C10orf143: variants seen among roughly 807,000 people sequenced by gnomAD.
The protein encoded by C10orf143 is uncharacterized protein C10orf143.
chr10:130,083,622 G>A (rs1163925618), intron 1 of C10orf143, among the ~76,000 whole-genome samples: 1 of 152,150 alleles, frequency 6.6e-6, no homozygotes, highest in Non-Finnish European at 1.5e-5. Context: ...ACATTGTTAA[G>A]TGAAAACAAC....
chr10:130,100,400 C>T (rs617113), intron 1 of C10orf143, among the ~76,000 whole-genome samples: 95,674 of 151,500 alleles, frequency 0.63, 30,489 homozygotes, highest in Admixed American at 0.72. Context: ...CGTGGTGGTG[C>T]GTGCCTGTAG....
intron 1 of C10orf143, among the ~76,000 whole-genome samples, chr10:130,089,463 G>A (rs1861346110): frequency 6.6e-6 from 1 of 152,012 alleles, no homozygotes; most frequent in African/African-American, 2.4e-5. Context: ...TTTTATAGAT[G>A]AGGAAAAAGA....
intron 1 of C10orf143, among the ~76,000 whole-genome samples, chr10:130,087,272 G>A (rs1472134844): frequency 2.6e-5 from 4 of 152,198 alleles, no homozygotes; most frequent in South Asian, 2.1e-4. Flanking sequence ...TACGTTGAAC[G>A]AGAAGATCTG....
chr10:130,100,998 A>G (rs1238571364), intron 1 of C10orf143: 2 of 152,098 alleles, frequency 1.3e-5, no homozygotes, highest in Non-Finnish European at 2.9e-5. Flanking sequence ...TGGGTGGATC[A>G]CCTGAGGTCA....
chr10:130,107,513 G>A (rs1861673722), intron 1 of C10orf143: 3 of 1,361,226 alleles, frequency 2.2e-6, no homozygotes, highest in Non-Finnish European at 3.1e-6. Context: ...AGCTGAAACA[G>A]AGTATAAAAT....
chr10:130,109,340 G>C (rs1228388936), intron 1 of C10orf143, among the ~76,000 whole-genome samples: 1 of 152,106 alleles, frequency 6.6e-6, no homozygotes, highest in Non-Finnish European at 1.5e-5. Flanking sequence ...GCAGAGGAGG[G>C]TGACACCCAG....
At chr10:130,040,156 G>T (rs1860589440) in intron 3 of C10orf143, among the ~76,000 whole-genome samples, 1 of 152,144 alleles carries the variant, frequency 6.6e-6, no homozygotes, top group African/African-American at 2.4e-5. Flanking sequence ...GGGAGTGCTG[G>T]GAATTTCAGC....
Position 130,064,345 on chromosome 10 carries a change from T to G in C10orf143, c.*9A>C. On this transcript the variant is annotated 3_prime_UTR_variant, in exon 4 of 4. Transcript: ENST00000637128. ...AAACTGGGACCTTCTTTTTTCCAGC[T>G]TGCATCTTCTAATGATTCTTGGTAT... 2.5e-6 allele frequency: 1 copy of G among 398,596 alleles called. No individual in the cohort carries two copies. Among genetic ancestry groups the G allele is most frequent in the East Asian group, 3.6e-5 (1 of 28,076 alleles). The allele number at this position is 398,596 out of a possible 1,614,324, so 24.7% of individuals were successfully genotyped here. A position where few individuals can be genotyped will look rare whatever the true frequency, so the allele number is the denominator to read the frequency against.
intron 1 of C10orf143, among the ~76,000 whole-genome samples, chr10:130,096,950 A>T (rs1038448895): frequency 3.3e-5 from 5 of 150,634 alleles, no homozygotes; most frequent in Admixed American, 6.6e-5. Flanking sequence ...TATATATATA[A>T]AATTTAATTT....
downstream of C10orf143, among the ~76,000 whole-genome samples, chr10:130,060,061 ACAGGCAGG>A (rs36099168): frequency 0.51 from 77,278 of 151,380 alleles, 20,426 homozygotes; most frequent in Admixed American, 0.63. Flanking sequence ...CCAGGTGGGA[ACAGGCAGG>A]CAGGACTGGC....
intron 3 of C10orf143, among the ~76,000 whole-genome samples, chr10:130,071,497 G>A (rs1466378473): frequency 6.6e-6 from 1 of 152,182 alleles, no homozygotes; most frequent in Non-Finnish European, 1.5e-5. Flanking sequence ...TTACTGGACT[G>A]ATTTGCATAT....
At chr10:130,052,443 C>T (rs1860747239) in intron 3 of C10orf143, among the ~76,000 whole-genome samples, 1 of 152,110 alleles carries the variant, frequency 6.6e-6, no homozygotes, top group Non-Finnish European at 1.5e-5. Flanking sequence ...GTCCCCCACA[C>T]CCAGAAGCAT....
intron 3 of C10orf143, among the ~76,000 whole-genome samples, chr10:130,053,958 T>C (rs1016314): frequency 0.14 from 22,026 of 152,144 alleles, 1,679 homozygotes; most frequent in Middle Eastern, 0.21. Flanking sequence ...CGAGAGCAAG[T>C]GTGAGCCATC....
In C10orf143 at chr10:130,075,342, G is replaced by A. The variant is rs188764483; in HGVS notation, c.297+4224C>T. 1.0e-3 allele frequency among the ~76,000 whole-genome samples: 154 copies of A among 152,254 alleles called. 1 individual carries two copies. Among genetic ancestry groups the A allele is most frequent in the African/African-American group, 3.3e-3 (136 of 41,566 alleles). On this transcript the variant is annotated intron_variant, in intron 3 of 3. Transcript: ENST00000637128. ...ATGTCCAGGCTCTCGGGACTCATGT[G>A]GCTTATCACCAGGATCAGCCCTGCC...
At chr10:130,110,279 C>G (rs1861738410) in intron 1 of C10orf143, among the ~76,000 whole-genome samples, 1 of 152,222 alleles carries the variant, frequency 6.6e-6, no homozygotes, top group Non-Finnish European at 1.5e-5. Flanking sequence ...ACTCGTCCCC[C>G]AACACCCAGC....
rs151053917 is a variant in C10orf143, at chr10:130,083,772, A to C, written c.70-3871T>G. 8.6e-4 allele frequency among the ~76,000 whole-genome samples: 131 copies of C among 152,290 alleles called. 3 individuals are homozygous for C. In the East Asian group the frequency reaches 0.024, roughly 28 times the overall value. ...GAAATGAAAGAGACTGCTTTCCTAC[A>C]GAGAGTGGATAGGAAAGGGCTGGGG... On this transcript the variant is annotated intron_variant, in intron 1 of 3. Transcript: ENST00000637128.
chr10:130,057,638 G>C (rs1171752), intron 3 of C10orf143, among the ~76,000 whole-genome samples: 1 of 150,802 alleles, frequency 6.6e-6, no homozygotes, highest in Non-Finnish European at 1.5e-5. Context: ...TGATTGTGGG[G>C]GAAGGGGGCT....
At chr10:130,093,383 T>C (rs891638998) in intron 1 of C10orf143, among the ~76,000 whole-genome samples, 3 of 152,050 alleles carry the variant, frequency 2.0e-5, no homozygotes, top group African/African-American at 7.2e-5. Context: ...AAAGACACAA[T>C]GTACCAGAAT....
downstream of C10orf143, among the ~76,000 whole-genome samples, chr10:130,063,586 T>C (rs1860880987): frequency 6.6e-6 from 1 of 152,194 alleles, no homozygotes; most frequent in South Asian, 2.1e-4. Context: ...TATGGAACTC[T>C]CCCATGACCG....
Sources: gnomAD v4.1 joint callset for allele counts (sites outside exome capture counted in the v4.1 genomes callset) on GRCh38, gnomAD v4.1.1 for gene constraint, MANE v1.5 for transcripts, NCBI Gene and HGNC (gene_info 2026-07-23, HGNC 2026-07-21) for gene names.